DAB1: variants seen among roughly 807,000 people sequenced by gnomAD.
The protein encoded by DAB1 is disabled homolog 1.
Under a neutral mutation model 64.6 loss-of-function variants are expected in DAB1, and 15 were observed. The ratio of observed to expected loss-of-function variants is 0.23; its 90% CI spans 0.16 to 0.36. The LOEUF (loss-of-function observed/expected upper bound fraction) is 0.36. Ranked by LOEUF, DAB1 falls within the 10% of genes least tolerant of loss-of-function variation. The pLI is 1.00. For missense variants in DAB1, 596 were observed against 706.7 expected (o/e 0.84, Z 1.78); for synonymous variants, 235 against 251.9 (o/e 0.93, Z 0.64).
At chr1:57,007,491 A>G (rs1340188397) in intron 14 of DAB1, among the ~76,000 whole-genome samples, 1 of 152,120 alleles carries the variant, frequency 6.6e-6, no homozygotes, top group Non-Finnish European at 1.5e-5. Context: ...AAGACACGTG[A>G]TTCTCCCAGA....
intron 4 of DAB1, among the ~76,000 whole-genome samples, chr1:58,209,519 G>A (rs12090530): frequency 0.033 from 4,970 of 151,794 alleles, 234 homozygotes; most frequent in African/African-American, 0.11. Context: ...TGCAAATAGC[G>A]AAAAGCATGA....
At chr1:58,186,761 T>C (rs891269260) in intron 4 of DAB1, among the ~76,000 whole-genome samples, 1 of 152,232 alleles carries the variant, frequency 6.6e-6, no homozygotes, top group African/African-American at 2.4e-5. Context: ...TATTGGATAA[T>C]CTAGGCTGGC....
intron 3 of DAB1, among the ~76,000 whole-genome samples, chr1:58,424,599 T>A (rs1557756081): frequency 6.6e-6 from 1 of 152,150 alleles, no homozygotes. Context: ...CCTAGAGTAG[T>A]TTTTGTTTCT....
chr1:57,935,846 G>T (rs1645017380), intron 5 of DAB1, among the ~76,000 whole-genome samples: 1 of 152,192 alleles, frequency 6.6e-6, no homozygotes, highest in Admixed American at 6.5e-5. Flanking sequence ...AGAAAATGCT[G>T]GGGACTACTC....
At chr1:57,747,496 T>C in intron 6 of DAB1, among the ~76,000 whole-genome samples, 1 of 151,928 alleles carries the variant, frequency 6.6e-6, no homozygotes, top group East Asian at 1.9e-4. Context: ...ATGATGGGAA[T>C]AGAGAGTTAA....
At chr1:58,083,425 T>C (rs1238576231) in intron 5 of DAB1, among the ~76,000 whole-genome samples, 2 of 152,224 alleles carry the variant, frequency 1.3e-5, no homozygotes, top group Admixed American at 6.5e-5. Context: ...TTTCATCATC[T>C]ATGCCGCACA....
At chr1:58,330,656 C>T (rs538723043) in intron 4 of DAB1, among the ~76,000 whole-genome samples, 1 of 152,222 alleles carries the variant, frequency 6.6e-6, no homozygotes, top group African/African-American at 2.4e-5. Context: ...CATTTGGCAT[C>T]CCAAAAGTCC....
At chr1:58,400,675 CA>C (rs1262803160) in intron 3 of DAB1, among the ~76,000 whole-genome samples, 2 of 151,964 alleles carry the variant, frequency 1.3e-5, no homozygotes, top group East Asian at 3.9e-4. Flanking sequence ...AACCGTTACA[CA>C]AAAAAATGAT....
intron 7 of DAB1, among the ~76,000 whole-genome samples, chr1:57,574,539 A>T (rs564888158): frequency 6.6e-6 from 1 of 152,342 alleles, no homozygotes; most frequent in Admixed American, 6.5e-5. Context: ...ACAGGTTCAA[A>T]CTGACCAGTA....
chr1:57,201,589 A>G (rs1055506255), intron 2 of DAB1, among the ~76,000 whole-genome samples: 2 of 152,118 alleles, frequency 1.3e-5, no homozygotes, highest in African/African-American at 4.8e-5. Flanking sequence ...TTCAAAATTC[A>G]TGCAAAAACA....
intron 1 of DAB1, chr1:58,530,493 T>C (rs1385228670): frequency 2.9e-5 from 19 of 661,316 alleles, no homozygotes; most frequent in Non-Finnish European, 4.2e-5. Flanking sequence ...TTCGTACCCA[T>C]ATTTCATAGT....
In DAB1 at chr1:57,015,085, C is replaced by A. The variant is rs147876561; in HGVS notation, c.1242G>T (p.Thr414=). 1 of 1,614,214 alleles carries A rather than the reference C, an allele frequency of 6.2e-7. No individual in the cohort carries two copies. The highest frequency in any genetic ancestry group is 1.7e-5 in the Admixed American group (1 of 60,018). The change falls in exon 12 of 15, where the codon ACG becomes ACT. Residue 414 remains threonine (T), a synonymous_variant. Coordinates refer to ENST00000371236, the MANE Select transcript of DAB1 (RefSeq NM_001365792.1). ...DKPRQKMGKE[T]FKDFQMAQPP... is the part of the protein sequence containing the mutation. ...GCTGGGCCATCTGGAAATCCTTAAA[C>A]GTTTCTTTGCCCATTTTCTGCCTGG...
intron 2 of DAB1, among the ~76,000 whole-genome samples, chr1:58,510,989 T>C (rs942685405): frequency 6.6e-6 from 1 of 151,922 alleles, no homozygotes; most frequent in Non-Finnish European, 1.5e-5. Context: ...CTCAAATAAA[T>C]GGAAAGACAT....
intron 3 of DAB1, among the ~76,000 whole-genome samples, chr1:58,475,475 T>C (rs1410613674): frequency 1.1e-4 from 14 of 129,934 alleles, no homozygotes; most frequent in African/African-American, 4.6e-4. Context: ...TTAGGTTAAT[T>C]AAACACACAC....
intron 2 of DAB1, among the ~76,000 whole-genome samples, chr1:57,249,856 T>C (rs550882680): frequency 4.6e-5 from 7 of 152,370 alleles, no homozygotes; most frequent in Admixed American, 4.6e-4. Context: ...CCTCTTCTAT[T>C]ATGCTGCTAT....
intron 5 of DAB1, among the ~76,000 whole-genome samples, chr1:58,081,819 C>A (rs1650016327): frequency 6.6e-6 from 1 of 151,710 alleles, no homozygotes; most frequent in South Asian, 2.1e-4. Context: ...TCTTTTTTTT[C>A]CCCCACTTGA....
chr1:57,358,145 T>C (rs991481360), intron 1 of DAB1, among the ~76,000 whole-genome samples: 6 of 152,060 alleles, frequency 3.9e-5, no homozygotes, highest in Non-Finnish European at 8.8e-5. Flanking sequence ...TTTCTTTCTT[T>C]CTCTTCACTA....
At chr1:57,687,614 A>G (rs543246316) in intron 6 of DAB1, among the ~76,000 whole-genome samples, 84 of 150,100 alleles carry the variant, frequency 5.6e-4, no homozygotes, top group Admixed American at 1.5e-3. Flanking sequence ...AAAAAAAAAA[A>G]AAAAAGAAAA....
intron 10 of DAB1, among the ~76,000 whole-genome samples, chr1:57,025,650 C>A (rs1646760916): frequency 6.6e-6 from 1 of 152,166 alleles, no homozygotes; most frequent in Admixed American, 6.5e-5. Context: ...GACGATGTGC[C>A]CCTTGTAGTC....
Sources: gnomAD v4.1 joint callset for allele counts (sites outside exome capture counted in the v4.1 genomes callset) on GRCh38, gnomAD v4.1.1 for gene constraint, MANE v1.5 for transcripts, NCBI Gene and HGNC (gene_info 2026-07-23, HGNC 2026-07-21) for gene names.